Variants in RXFP1 observed in about 807,000 individuals in gnomAD.
The protein encoded by RXFP1 is relaxin family peptide receptor 1, also known as relaxin receptor 1.
Under a neutral mutation model 89.8 loss-of-function variants are expected in RXFP1, and 73 were observed. The ratio of observed to expected loss-of-function variants is 0.81; its 90% CI spans 0.67 to 0.99. RXFP1 has a LOEUF of 0.99. RXFP1 is among the 50% of genes least tolerant of loss of function. The pLI, the probability that RXFP1 is intolerant of heterozygous loss-of-function variation, is 0.00. For missense variants in RXFP1, 793 were observed against 895.5 expected (o/e 0.89, Z 1.46); for synonymous variants, 277 against 305.5 (o/e 0.91, Z 0.97).
intron 2 of RXFP1, among the ~76,000 whole-genome samples, chr4:158,581,358 C>T (rs1757324361): frequency 6.6e-6 from 1 of 152,140 alleles, no homozygotes; most frequent in Non-Finnish European, 1.5e-5. Flanking sequence ...GCTCAGAATT[C>T]ATACCAAATG....
At chr4:158,530,537 A>T (rs930841167) in intron 1 of RXFP1, among the ~76,000 whole-genome samples, 2 of 152,216 alleles carry the variant, frequency 1.3e-5, no homozygotes, top group East Asian at 1.9e-4. Flanking sequence ...ATTTGCTGGA[A>T]ATTGCAGAAC....
In RXFP1 at chr4:158,587,036, G is replaced by A. The variant is rs1345650103; in HGVS notation, c.188-6365G>A. On this transcript the variant is annotated intron_variant, in intron 2 of 17. Coordinates refer to ENST00000307765, the MANE Select transcript of RXFP1 (RefSeq NM_021634.4). The stretch of plus-strand genomic sequence containing the variant: ...ACCTCTCATGAATTTCCTAGCAGCA[G>A]TGAAACATTACCCACAAAACAGCCC... 2.0e-5 allele frequency among the ~76,000 whole-genome samples: 3 copies of A among 152,190 alleles called. No individual in the cohort carries two copies. In the East Asian group the frequency reaches 5.8e-4, roughly 29 times the overall value.
intron 1 of RXFP1, among the ~76,000 whole-genome samples, chr4:158,555,968 A>T (rs1281269125): frequency 6.6e-6 from 1 of 152,238 alleles, no homozygotes; most frequent in East Asian, 1.9e-4. Flanking sequence ...ATGCAAAACT[A>T]TGAAACTACT....
chr4:158,585,791 TA>T (rs1758196866), intron 2 of RXFP1, among the ~76,000 whole-genome samples: 1 of 152,202 alleles, frequency 6.6e-6, no homozygotes, highest in African/African-American at 2.4e-5. Flanking sequence ...TCAATAAGCA[TA>T]GCATGAAGCA....
chr4:158,533,710 C>T (rs1277469728), intron 1 of RXFP1, among the ~76,000 whole-genome samples: 1 of 152,162 alleles, frequency 6.6e-6, no homozygotes, highest in Non-Finnish European at 1.5e-5. Context: ...AATATCTTGG[C>T]TCAAAATTCT....
intron 1 of RXFP1, among the ~76,000 whole-genome samples, chr4:158,551,702 C>T (rs765014497): frequency 1.3e-4 from 20 of 152,016 alleles, no homozygotes; most frequent in Non-Finnish European, 2.4e-4. Context: ...GCACTTTGAG[C>T]GGCCGAGGTG....
In RXFP1 at chr4:158,617,172, C is replaced by G. The variant is rs1243337746; in HGVS notation, c.722C>G (p.Pro241Arg). ...GTCCTCACCCGTTTACCTGATAAAC[C>G]TCTCTGTCAACACATGCCAAGACTA... ...NNVLTRLPDKPLCQHMPRLHW... is the reference protein window; with the variant it reads ...NNVLTRLPDKRLCQHMPRLHW... Residue 241 changes from proline to arginine, a missense_variant, in exon 9 of 18, where the codon CCT (proline) becomes CGT (arginine). Transcript: ENST00000307765. The G allele has an allele frequency of 3.1e-6, 5 of 1,610,848 alleles. No individual in the cohort carries two copies. Among genetic ancestry groups the G allele is most frequent in the Admixed American group, 1.7e-5 (1 of 59,682 alleles).
chr4:158,629,024 T>TG (rs1561165549), intron 11 of RXFP1, among the ~76,000 whole-genome samples: 2 of 150,956 alleles, frequency 1.3e-5, no homozygotes, highest in Admixed American at 1.3e-4. Context: ...GGTAAATTTA[T>TG]GGGGGGTTTT....
chr4:158,557,388 AGTTT>A (rs1051361519), intron 1 of RXFP1, among the ~76,000 whole-genome samples: 3 of 152,196 alleles, frequency 2.0e-5, no homozygotes, highest in Middle Eastern at 3.4e-3. Flanking sequence ...TTAAAGTATC[AGTTT>A]GTTTGTTTGT....
chr4:158,581,185 TA>T (rs1377270994), intron 2 of RXFP1, among the ~76,000 whole-genome samples: 10 of 152,360 alleles, frequency 6.6e-5, no homozygotes, highest in South Asian at 6.2e-4. Flanking sequence ...TAGTGTCTTA[TA>T]TTTTTTTAGT....
intron 1 of RXFP1, among the ~76,000 whole-genome samples, chr4:158,572,291 A>G (rs554642714): frequency 2.0e-4 from 31 of 152,358 alleles, no homozygotes; most frequent in African/African-American, 7.2e-4. Context: ...TTTTCCACAG[A>G]CAATGAAGTC....
chr4:158,560,655 C>G (rs1425997186), intron 1 of RXFP1, among the ~76,000 whole-genome samples: 2 of 152,198 alleles, frequency 1.3e-5, no homozygotes, highest in Admixed American at 1.3e-4. Context: ...TTGTAGGTAT[C>G]TGTGGGTTTC....
intron 3 of RXFP1, among the ~76,000 whole-genome samples, chr4:158,596,048 C>G (rs937744286): frequency 2.0e-5 from 3 of 151,254 alleles, no homozygotes; most frequent in African/African-American, 7.3e-5. Flanking sequence ...ATTGAAGCTG[C>G]AGTGAGCTGT....
chr4:158,644,282 G>A lies in RXFP1; in HGVS notation c.1116-627G>A, dbSNP rs543853195. On this transcript the variant is annotated intron_variant, in intron 14 of 17. Coordinates refer to ENST00000307765, the MANE Select transcript of RXFP1 (RefSeq NM_021634.4). ...AAGATGGTCTCAATATCCTGACCTC[G>A]TGATCCACCCACCTCGGCCTCCCAA... Among the ~76,000 whole-genome samples the A allele has an allele frequency of 3.3e-5, 5 of 152,152 alleles. No individual in the cohort carries two copies. The South Asian group carries it at 8.3e-4, about 25-fold the overall frequency.
chr4:158,651,532 T>G (rs559638607), intron 17 of RXFP1, among the ~76,000 whole-genome samples: 85 of 152,316 alleles, frequency 5.6e-4, no homozygotes, highest in Non-Finnish European at 1.1e-3. Flanking sequence ...GAAGAGCTAC[T>G]TAGCAAAGAA....
At chr4:158,638,191 G>A in intron 13 of RXFP1, 112 bp downstream of exon 13, 1 of 615,412 alleles carries the variant, frequency 1.6e-6, no homozygotes. Context: ...CAAGACATTA[G>A]TTTAGCTCCA....
At chr4:158,582,196 A>G (rs1757504020) in intron 2 of RXFP1, among the ~76,000 whole-genome samples, 1 of 152,234 alleles carries the variant, frequency 6.6e-6, no homozygotes, top group South Asian at 2.1e-4. Flanking sequence ...ATAGCAGTAG[A>G]CATGACAATC....
At chr4:158,567,915 T>G (rs947659839) in intron 1 of RXFP1, among the ~76,000 whole-genome samples, 3 of 152,204 alleles carry the variant, frequency 2.0e-5, no homozygotes, top group Non-Finnish European at 4.4e-5. Context: ...TGTGGTGGCT[T>G]TGTTCTTTTG....
At chr4:158,535,216 G>A (rs902894081) in intron 1 of RXFP1, among the ~76,000 whole-genome samples, 2 of 152,078 alleles carry the variant, frequency 1.3e-5, no homozygotes, top group Non-Finnish European at 1.5e-5. Flanking sequence ...GAAGTCTGGG[G>A]TAGTTTAAGA....
Sources: gnomAD v4.1 joint callset for allele counts (sites outside exome capture counted in the v4.1 genomes callset) on GRCh38, gnomAD v4.1.1 for gene constraint, MANE v1.5 for transcripts, NCBI Gene and HGNC (gene_info 2026-07-23, HGNC 2026-07-21) for gene names.